The following CTNNA3 variants were observed in gnomAD, a reference collection of about 807,000 sequenced individuals.
CTNNA3 encodes the protein catenin alpha 3.
A neutral mutation model predicts 95.7 loss-of-function variants in CTNNA3; 76 were observed. The ratio of observed to expected loss-of-function variants is 0.79; its 90% confidence interval spans 0.66 to 0.96. The LOEUF (loss-of-function observed/expected upper bound fraction) is 0.96. Among genes scored for constraint, CTNNA3 ranks in the 40% least tolerant of loss-of-function variants. CTNNA3 has a pLI of 0.00. For missense variants in CTNNA3, 1,191 were observed against 1,089.8 expected, an observed-to-expected ratio of 1.09 and a Z score of -1.31; for synonymous variants, 431 against 374.4, an observed-to-expected ratio of 1.15 and a Z score of -1.74.
intron 13 of CTNNA3, among the ~76,000 whole-genome samples, chr10:66,253,369 T>C (rs1171623397): frequency 6.6e-6 from 1 of 152,040 alleles, no homozygotes; most frequent in Admixed American, 6.6e-5. Flanking sequence ...TCACCCTCCC[T>C]CTTTTTTTCA....
intron 10 of CTNNA3, among the ~76,000 whole-genome samples, chr10:66,536,036 T>A (rs1233419932): frequency 6.6e-6 from 1 of 151,736 alleles, no homozygotes. Context: ...AGAAACAAAA[T>A]CTGGGGAAGA....
intron 10 of CTNNA3, among the ~76,000 whole-genome samples, chr10:66,548,873 A>AT (rs1452301071): frequency 2.0e-5 from 3 of 149,860 alleles, no homozygotes; most frequent in African/African-American, 7.4e-5. Context: ...TTTATTAAGG[A>AT]TTTTTTTGCA....
intron 7 of CTNNA3, among the ~76,000 whole-genome samples, chr10:67,089,138 C>T (rs746626421): frequency 2.6e-4 from 39 of 151,858 alleles, no homozygotes; most frequent in Non-Finnish European, 4.4e-5. Context: ...GTTTTGCTAT[C>T]GGGAGTCCTA....
intron 11 of CTNNA3, among the ~76,000 whole-genome samples, chr10:66,487,200 T>G (rs1056404999): frequency 1.5e-4 from 19 of 125,204 alleles, no homozygotes; most frequent in Non-Finnish European, 2.5e-4. Flanking sequence ...TTTTTTTTTT[T>G]TTTTTTTTTT....
At chr10:66,084,922 T>C (rs967697167) in intron 14 of CTNNA3, 2 of 152,124 alleles carry the variant, frequency 1.3e-5, no homozygotes, top group Admixed American at 6.5e-5. Context: ...ACTAGGACAC[T>C]AATTAGGAAC....
chr10:67,720,129 C>CTTTTTTTTTTT lies in CTNNA3; in HGVS notation c.-2+43294_-2+43304dup, dbSNP rs58074397. 2.3e-3 allele frequency among the ~76,000 whole-genome samples: 15 copies of CTTTTTTTTTTT among 6,610 alleles called. 6 individuals are homozygous for CTTTTTTTTTTT. The highest frequency in any genetic ancestry group is 4.0e-3 in the African/African-American group (6 of 1,500). 4.3% of individuals were successfully genotyped at this position (6,610 alleles called of 152,430 possible). A position where few individuals can be genotyped will look rare whatever the true frequency, so the allele number is the denominator to read the frequency against. ...TCAGAGACTAGGATTGCAACCCCTG[C>CTTTTTTTTTTT]TTTTTTTTTTTTTTTTTTTTTTTGC... On this transcript the variant is annotated intron_variant, in intron 1 of 17. Coordinates refer to the CTNNA3 transcript ENST00000684154.
rs1057021206 is a variant in CTNNA3, at chr10:66,128,902, C to T, written c.1885-25653G>A. Among the ~76,000 whole-genome samples, 5 of 151,596 alleles carry T rather than the reference C, an allele frequency of 3.3e-5. No individual in the cohort carries two copies. In the Middle Eastern group the frequency reaches 0.014, roughly 413 times the overall value. ...TGTGTGTGTGTGTTGTGGAGGCTAT[C>T]TCTGTAACTTTTATTCAATTCTGCT... On this transcript the variant is annotated intron_variant, in intron 13 of 17. Transcript: ENST00000433211.
chr10:66,209,458 T>G (rs2087984271), intron 13 of CTNNA3, among the ~76,000 whole-genome samples: 1 of 151,518 alleles, frequency 6.6e-6, no homozygotes, highest in South Asian at 2.1e-4. Flanking sequence ...TGGAAAAGAG[T>G]TGAAGGTGAG....
intron 7 of CTNNA3, among the ~76,000 whole-genome samples, chr10:66,890,789 T>G (rs1283821856): frequency 6.6e-6 from 1 of 152,112 alleles, no homozygotes; most frequent in Non-Finnish European, 1.5e-5. Context: ...GGTGAACTAT[T>G]AGGAATGATT....
intron 11 of CTNNA3, among the ~76,000 whole-genome samples, chr10:66,511,049 C>CTGAT (rs1205695192): frequency 2.0e-5 from 3 of 151,130 alleles, no homozygotes; most frequent in South Asian, 2.1e-4. Context: ...CTTTTTGTTA[C>CTGAT]TGATTTAATC....
Position 67,538,530 on chromosome 10 carries a change from C to A in CTNNA3, c.459+973G>T, listed in dbSNP as rs141941257. On this transcript the variant is annotated intron_variant, in intron 4 of 17. Coordinates refer to ENST00000433211, the MANE Select transcript of CTNNA3 (RefSeq NM_013266.4). ...CCAGAAGGCAGAGATTGCAGTGAGCCGAGATCACCACTGCACTCCAACCCA... is the reference window on the plus strand; with the variant it reads ...CCAGAAGGCAGAGATTGCAGTGAGCAGAGATCACCACTGCACTCCAACCCA... 7.5e-4 allele frequency among the ~76,000 whole-genome samples: 112 copies of A among 149,892 alleles called. 2 individuals carry two copies. The East Asian group carries it at 0.019, about 26-fold the overall frequency.
At chr10:67,088,767 G>C (rs1857449291) in intron 7 of CTNNA3, among the ~76,000 whole-genome samples, 2 of 151,786 alleles carry the variant, frequency 1.3e-5, no homozygotes, top group Admixed American at 1.3e-4. Context: ...AAAATATTTT[G>C]TCTCTCATTA....
chr10:67,429,515 T>C (rs993159404), intron 5 of CTNNA3, among the ~76,000 whole-genome samples: 1 of 152,026 alleles, frequency 6.6e-6, no homozygotes, highest in Admixed American at 6.6e-5. Context: ...TTGTGTTGTA[T>C]ATAGTTAGCT....
chr10:65,920,676 C>A, intron 17 of CTNNA3, 59 bp from the exon 18 acceptor site: 3 of 1,548,634 alleles, frequency 1.9e-6, no homozygotes, highest in African/African-American at 1.4e-5. Context: ...TAATTATTGC[C>A]AAGCGTGGGC....
At chr10:67,141,851 GT>G (rs555711927) in intron 7 of CTNNA3, among the ~76,000 whole-genome samples, 20 of 150,520 alleles carry the variant, frequency 1.3e-4, no homozygotes, top group East Asian at 9.7e-4. Context: ...TATCCAGGGT[GT>G]TTTTTTTTCT....
At position 66,885,186 on chromosome 10, in the gene CTNNA3, C is replaced by T. The variant is rs533726969; in HGVS notation, c.1048-109662G>A. ...AAGTCAGGAAAGTCAAAATCATTTG[C>T]AGCAAAGCTTGTTTCTGTAATAGTT... On this transcript the variant is annotated intron_variant, in intron 7 of 17. Transcript: ENST00000433211. 2.0e-4 allele frequency among the ~76,000 whole-genome samples: 30 copies of T among 152,230 alleles called. 1 individual carries two copies. The highest frequency in any genetic ancestry group is 7.0e-4 in the African/African-American group (29 of 41,542).
intron 17 of CTNNA3, among the ~76,000 whole-genome samples, chr10:65,942,422 G>A (rs1362160755): frequency 2.0e-5 from 3 of 152,030 alleles, no homozygotes; most frequent in Admixed American, 1.3e-4. Context: ...CCAACTACTC[G>A]GGAGGCTGAG....
At chr10:67,437,627 A>C (rs1023655126) in intron 5 of CTNNA3, among the ~76,000 whole-genome samples, 1 of 152,104 alleles carries the variant, frequency 6.6e-6, no homozygotes, top group Admixed American at 6.6e-5. Context: ...AAATTAGTAA[A>C]AATTTTTCAC....
intron 11 of CTNNA3, among the ~76,000 whole-genome samples, chr10:66,499,095 A>G (rs1056669933): frequency 6.6e-6 from 1 of 152,040 alleles, no homozygotes; most frequent in Non-Finnish European, 1.5e-5. Context: ...CTTTGACTTC[A>G]TTTTTTACTA....
Sources: allele counts gnomAD v4.1 joint callset (sites outside exome capture counted in the v4.1 genomes callset), GRCh38; gene constraint gnomAD v4.1.1; transcripts MANE v1.5; gene names NCBI Gene and HGNC (gene_info 2026-07-23, HGNC 2026-07-21).